The following PTPN12 variants were observed in gnomAD, a reference collection of about 807,000 sequenced individuals.
PTPN12 encodes the protein tyrosine-protein phosphatase non-receptor type 12.
Under a neutral mutation model 97.6 loss-of-function variants are expected in PTPN12, and 29 were observed. The observed-to-expected ratio is 0.30, with a 90% CI of 0.22 to 0.41. PTPN12 has a LOEUF of 0.41. PTPN12 is among the 10% of genes least tolerant of loss of function. The pLI is 1.00. For synonymous variants in PTPN12, 327 were observed against 300.4 expected (o/e 1.09, Z -0.91); for missense variants, 819 against 926.0 (o/e 0.88, Z 1.50).
intron 2 of PTPN12, among the ~76,000 whole-genome samples, chr7:77,576,779 G>A (rs1024813841): frequency 1.3e-5 from 2 of 152,310 alleles, no homozygotes; most frequent in East Asian, 1.9e-4. Context: ...GCGCTTTGCC[G>A]GGTGTTAATG....
chr7:77,553,434 G>A (rs1248322796), intron 1 of PTPN12, among the ~76,000 whole-genome samples: 2 of 152,282 alleles, frequency 1.3e-5, no homozygotes, highest in African/African-American at 2.4e-5. Flanking sequence ...TCTCCTTGCA[G>A]TTCTATCAGT....
intron 6 of PTPN12, among the ~76,000 whole-genome samples, chr7:77,594,092 A>G (rs1439401787): frequency 6.6e-6 from 1 of 152,170 alleles, no homozygotes; most frequent in Non-Finnish European, 1.5e-5. Context: ...ATAACTCACC[A>G]TTGAACTTTT....
chr7:77,613,413 G>C (rs1432364898), intron 11 of PTPN12, among the ~76,000 whole-genome samples: 1 of 151,748 alleles, frequency 6.6e-6, no homozygotes, highest in Non-Finnish European at 1.5e-5. Flanking sequence ...GACCTCAAGT[G>C]ATCCACCCAC....
At chr7:77,586,710 A>G (rs558035769) in intron 5 of PTPN12, among the ~76,000 whole-genome samples, 4 of 152,344 alleles carry the variant, frequency 2.6e-5, no homozygotes, top group African/African-American at 7.2e-5. Flanking sequence ...CAGTAGAACT[A>G]CTTGGCAAAT....
At chr7:77,544,722 C>T (rs1197874702) in intron 1 of PTPN12, among the ~76,000 whole-genome samples, 1 of 152,200 alleles carries the variant, frequency 6.6e-6, no homozygotes, top group Non-Finnish European at 1.5e-5. Context: ...AGACTGAACG[C>T]CTCCCAGGCT....
At chr7:77,573,383 A>C (rs1392472086) in intron 2 of PTPN12, among the ~76,000 whole-genome samples, 1 of 152,168 alleles carries the variant, frequency 6.6e-6, no homozygotes, top group East Asian at 1.9e-4. Flanking sequence ...TCTGGCTCAT[A>C]GATGGTGCCT....
chr7:77,596,464 G>A (rs945288524), intron 6 of PTPN12, among the ~76,000 whole-genome samples: 2 of 152,064 alleles, frequency 1.3e-5, no homozygotes, highest in Non-Finnish European at 2.9e-5. Flanking sequence ...GGAATGCAGC[G>A]ACGTGATCGC....
At chr7:77,612,653 G>C (rs1354754291) in intron 11 of PTPN12, among the ~76,000 whole-genome samples, 1 of 152,056 alleles carries the variant, frequency 6.6e-6, no homozygotes. Flanking sequence ...GGTCAGGCTG[G>C]TCTCGAACTC....
chr7:77,580,517 TTAATA>T (rs879502043), intron 2 of PTPN12, among the ~76,000 whole-genome samples: 1 of 152,166 alleles, frequency 6.6e-6, no homozygotes, highest in Non-Finnish European at 1.5e-5. Context: ...AAAAGTAACT[TTAATA>T]TAGTATCTTG....
intron 1 of PTPN12, among the ~76,000 whole-genome samples, chr7:77,543,927 T>C (rs1237553883): frequency 2.0e-5 from 3 of 152,238 alleles, no homozygotes; most frequent in Non-Finnish European, 4.4e-5. Flanking sequence ...TGATGGGTAT[T>C]TGAATTGTTT....
chr7:77,546,308 C>T (rs1336242320), intron 1 of PTPN12, among the ~76,000 whole-genome samples: 2 of 152,152 alleles, frequency 1.3e-5, no homozygotes, highest in Non-Finnish European at 2.9e-5. Flanking sequence ...CACTTTTTCT[C>T]CTTTGTAAAG....
intron 1 of PTPN12, among the ~76,000 whole-genome samples, chr7:77,566,681 A>G (rs1367367489): frequency 1.3e-5 from 2 of 151,622 alleles, no homozygotes; most frequent in Admixed American, 6.6e-5. Flanking sequence ...CTGTGATTGC[A>G]CCACTGCATT....
chr7:77,549,220 G>A lies in PTPN12; in HGVS notation c.99+11575G>A, dbSNP rs780103541. Among the ~76,000 whole-genome samples, 3 of 152,122 alleles carry A rather than the reference G, an allele frequency of 2.0e-5. No individual in the cohort carries two copies. The East Asian group carries it at 5.8e-4, about 29-fold the overall frequency. ...GGAAGGGATGGCTTGATAACTAGGCGGGCAGTCCAAAGAGTGTCTAGTAGA... is the reference window on the plus strand; with the variant it reads ...GGAAGGGATGGCTTGATAACTAGGCAGGCAGTCCAAAGAGTGTCTAGTAGA... On this transcript the variant is annotated intron_variant, in intron 1 of 17. Transcript: ENST00000248594.
At chr7:77,607,412 C>A in intron 9 of PTPN12, 111 bp downstream of exon 9, 1 of 830,824 alleles carries the variant, frequency 1.2e-6, no homozygotes. Context: ...GTTATTTTTT[C>A]CAAAGTAGTT....
At position 77,601,388 on chromosome 7, in the gene PTPN12, G is replaced by A. The variant is rs960742822; in HGVS notation, c.695+582G>A. On this transcript the variant is annotated intron_variant, in intron 8 of 17. Coordinates refer to ENST00000248594, the MANE Select transcript of PTPN12 (RefSeq NM_002835.4). ...TTTAATTAAAAAAAATTTTTTTTAA[G>A]AGACCAAGTCTTGCTCTGTTGCCCA... 6.6e-5 allele frequency among the ~76,000 whole-genome samples: 10 copies of A among 152,088 alleles called. 1 individual carries two copies. The highest frequency in any genetic ancestry group is 2.4e-4 in the African/African-American group (10 of 41,504).
intron 11 of PTPN12, among the ~76,000 whole-genome samples, chr7:77,617,311 A>G (rs1044801828): frequency 5.3e-5 from 8 of 152,158 alleles, no homozygotes; most frequent in African/African-American, 1.7e-4. Context: ...AAATGCCTCG[A>G]TTTTGGTGGG....
At chr7:77,546,150 TC>T (rs200482644) in intron 1 of PTPN12, among the ~76,000 whole-genome samples, 2,832 of 152,300 alleles carry the variant, frequency 0.019, 34 homozygotes, top group Middle Eastern at 0.031. Context: ...CAGGATGGTC[TC>T]CCCTTTTATT....
intron 8 of PTPN12, among the ~76,000 whole-genome samples, chr7:77,605,591 T>G (rs1393676135): frequency 6.6e-6 from 1 of 151,410 alleles, no homozygotes; most frequent in African/African-American, 2.4e-5. Context: ...GGCTAATTTT[T>G]TTTTTTTGTA....
intron 9 of PTPN12, 55 bp downstream of exon 9, chr7:77,607,356 C>A: frequency 7.8e-7 from 1 of 1,277,776 alleles, no homozygotes; most frequent in Non-Finnish European, 1.1e-6. Flanking sequence ...GATTTTCAAA[C>A]TTAATTATAA....
Sources: allele counts gnomAD v4.1 joint callset (sites outside exome capture counted in the v4.1 genomes callset), GRCh38; gene constraint gnomAD v4.1.1; transcripts MANE v1.5; gene names NCBI Gene and HGNC (gene_info 2026-07-23, HGNC 2026-07-21).